The following CSMD1 variants were observed in gnomAD, a reference collection of about 807,000 sequenced individuals.
CSMD1 encodes CUB and sushi domain-containing protein 1.
Under a neutral mutation model 417.5 loss-of-function variants are expected in CSMD1, and 213 were observed. The observed-to-expected ratio is 0.51, with a 90% CI of 0.46 to 0.57. The LOEUF (loss-of-function observed/expected upper bound fraction) is 0.57. Among genes scored for constraint, CSMD1 ranks in the 20% least tolerant of loss-of-function variants. CSMD1 has a pLI of 0.00. For synonymous variants in CSMD1, 2,862 were observed against 1,736.8 expected (o/e 1.65, Z -16.11); for missense variants, 6,923 against 4,529.7 (o/e 1.53, Z -15.17).
chr8:4,120,305 G>A (rs539717110), intron 3 of CSMD1, among the ~76,000 whole-genome samples: 55 of 152,300 alleles, frequency 3.6e-4, no homozygotes, highest in Non-Finnish European at 5.7e-4. Flanking sequence ...ATACTTCAGT[G>A]TTATTTCAAT....
chr8:4,376,087 T>C (rs1315003491), intron 3 of CSMD1, among the ~76,000 whole-genome samples: 1 of 152,254 alleles, frequency 6.6e-6, no homozygotes, highest in Non-Finnish European at 1.5e-5. Flanking sequence ...TAATTTAATA[T>C]ATCATAACTA....
chr8:3,399,297 A>C (rs939965059), intron 16 of CSMD1, 94 bp downstream of exon 16: 2 of 1,242,982 alleles, frequency 1.6e-6, no homozygotes, highest in African/African-American at 3.0e-5. Flanking sequence ...AACCGAAAAA[A>C]ACTGCCATCT....
chr8:4,277,484 A>T (rs1008990426), intron 3 of CSMD1, among the ~76,000 whole-genome samples: 1 of 152,182 alleles, frequency 6.6e-6, no homozygotes, highest in African/African-American at 2.4e-5. Context: ...GTCTTAAAAA[A>T]GCATATTCTC....
intron 6 of CSMD1, among the ~76,000 whole-genome samples, chr8:3,717,076 C>T (rs1281056801): frequency 2.6e-5 from 4 of 152,258 alleles, no homozygotes; most frequent in East Asian, 3.9e-4. Flanking sequence ...GATACTAGAA[C>T]CTGCTGGCTT....
At chr8:3,929,396 T>A (rs1647299282) in intron 5 of CSMD1, among the ~76,000 whole-genome samples, 1 of 150,466 alleles carries the variant, frequency 6.6e-6, no homozygotes, top group African/African-American at 2.5e-5. Context: ...CAGCCAAGGG[T>A]GACAATGTAA....
At chr8:3,246,860 C>G (rs553943891) in intron 26 of CSMD1, among the ~76,000 whole-genome samples, 11 of 152,112 alleles carry the variant, frequency 7.2e-5, no homozygotes, top group African/African-American at 2.7e-4. Flanking sequence ...GCCATTTTAG[C>G]GGTTGATTAA....
chr8:4,047,776 T>C (rs1022088598), intron 3 of CSMD1, among the ~76,000 whole-genome samples: 2 of 151,792 alleles, frequency 1.3e-5, no homozygotes, highest in Non-Finnish European at 2.9e-5. Context: ...TAGGAATAGG[T>C]AGAGAATGCA....
intron 1 of CSMD1, among the ~76,000 whole-genome samples, chr8:4,735,541 T>G (rs1280280570): frequency 1.3e-5 from 2 of 152,180 alleles, no homozygotes; most frequent in Non-Finnish European, 2.9e-5. Context: ...ATTCACCTTT[T>G]TAAGGTCTCT....
intron 5 of CSMD1, among the ~76,000 whole-genome samples, chr8:3,951,691 T>C (rs190692304): frequency 1.3e-5 from 2 of 152,140 alleles, no homozygotes; most frequent in Non-Finnish European, 2.9e-5. Flanking sequence ...AGATATTTAG[T>C]TCTAATTTAA....
intron 5 of CSMD1, among the ~76,000 whole-genome samples, chr8:3,874,448 G>C (rs145099512): frequency 1.3e-3 from 198 of 152,292 alleles, no homozygotes; most frequent in African/African-American, 4.4e-3. Context: ...TCAGAAACCA[G>C]AAAGCTCAGA....
chr8:4,299,930 A>G (rs1031770609), intron 3 of CSMD1, among the ~76,000 whole-genome samples: 1 of 152,146 alleles, frequency 6.6e-6, no homozygotes, highest in Non-Finnish European at 1.5e-5. Flanking sequence ...CGCCCGGCCC[A>G]GACACTATTT....
chr8:3,703,861 A>T (rs973073477), intron 7 of CSMD1, among the ~76,000 whole-genome samples: 3 of 152,316 alleles, frequency 2.0e-5, no homozygotes, highest in Non-Finnish European at 2.9e-5. Flanking sequence ...ACCTGAGGTC[A>T]GGAGTTTGAG....
intron 60 of CSMD1, among the ~76,000 whole-genome samples, chr8:2,962,887 C>A (rs1585058221): frequency 6.6e-6 from 1 of 152,100 alleles, no homozygotes; most frequent in East Asian, 1.9e-4. Flanking sequence ...ATGTCTACAA[C>A]AAATACAAAA....
chr8:4,529,193 G>A (rs1323227791), intron 2 of CSMD1, among the ~76,000 whole-genome samples: 1 of 152,114 alleles, frequency 6.6e-6, no homozygotes, highest in Non-Finnish European at 1.5e-5. Context: ...AAGCCATGAG[G>A]TCAAAACTCT....
chr8:3,517,324 T>C (rs1417776378), intron 10 of CSMD1, among the ~76,000 whole-genome samples: 1 of 152,136 alleles, frequency 6.6e-6, no homozygotes, highest in African/African-American at 2.4e-5. Context: ...GAACAGGCAA[T>C]CCAAGTAAAA....
At chr8:4,358,208 T>C (rs1163944337) in intron 3 of CSMD1, among the ~76,000 whole-genome samples, 1 of 152,206 alleles carries the variant, frequency 6.6e-6, no homozygotes, top group African/African-American at 2.4e-5. Context: ...TCTGGGGTGT[T>C]ATAATTTTAT....
At chr8:4,697,708 G>A (rs1275325484) in intron 1 of CSMD1, among the ~76,000 whole-genome samples, 2 of 152,092 alleles carry the variant, frequency 1.3e-5, no homozygotes, top group Admixed American at 6.5e-5. Context: ...TGAGAGTTCT[G>A]AAATATGTGG....
intron 46 of CSMD1, among the ~76,000 whole-genome samples, chr8:3,097,534 C>G (rs1393677755): frequency 6.6e-6 from 1 of 152,180 alleles, no homozygotes; most frequent in Non-Finnish European, 1.5e-5. Context: ...AATCCTACGT[C>G]GTTTCTGGTG....
At chr8:3,256,283 T>C (rs1433695646) in intron 26 of CSMD1, among the ~76,000 whole-genome samples, 9 of 140,844 alleles carry the variant, frequency 6.4e-5, no homozygotes, top group Non-Finnish European at 1.4e-4. Flanking sequence ...GCTGATATTG[T>C]TTGACAGAGC....
Sources: allele counts gnomAD v4.1 joint callset (sites outside exome capture counted in the v4.1 genomes callset), GRCh38; gene constraint gnomAD v4.1.1; transcripts MANE v1.5; gene names NCBI Gene and HGNC (gene_info 2026-07-23, HGNC 2026-07-21).